Variants in DPYD observed in about 807,000 individuals in gnomAD.
DPYD encodes the protein dihydropyrimidine dehydrogenase, also known as dihydropyrimidine dehydrogenase [NADP(+)].
Under a neutral mutation model 116.2 loss-of-function variants are expected in DPYD, and 109 were observed. The observed-to-expected ratio is 0.94, with a 90% CI of 0.80 to 1.10. The LOEUF is 1.10. Ranked by LOEUF, DPYD falls within the 50% of genes least tolerant of loss-of-function variation. The probability of loss-of-function intolerance (pLI) is 0.00; values close to 1 mark genes in which losing one functional copy is unlikely to be tolerated. For synonymous variants in DPYD, 440 were observed against 432.0 expected (o/e 1.02, Z -0.23); for missense variants, 1,302 against 1,254.5 (o/e 1.04, Z -0.57).
intron 5 of DPYD, among the ~76,000 whole-genome samples, chr1:97,702,736 C>A (rs917925414): frequency 6.6e-6 from 1 of 151,790 alleles, no homozygotes; most frequent in African/African-American, 2.4e-5. Flanking sequence ...CAAATTCTAG[C>A]TAATGGCATG....
At chr1:97,319,000 G>A (rs1668052430) in intron 16 of DPYD, among the ~76,000 whole-genome samples, 1 of 81,794 alleles carries the variant, frequency 1.2e-5, no homozygotes, top group Non-Finnish European at 2.4e-5. Flanking sequence ...ATAACGAAAT[G>A]AAGGCAGAAA....
At chr1:97,854,295 A>G (rs1670711601) in intron 2 of DPYD, among the ~76,000 whole-genome samples, 1 of 152,362 alleles carries the variant, frequency 6.6e-6, no homozygotes, top group Non-Finnish European at 1.5e-5. Context: ...ACAGATGTTG[A>G]GACTTTAATA....
chr1:97,217,826 C>T (rs752655156), intron 19 of DPYD, among the ~76,000 whole-genome samples: 1 of 152,058 alleles, frequency 6.6e-6, no homozygotes, highest in African/African-American at 2.4e-5. Context: ...TAATGAAAAG[C>T]GGGGCAACAC....
At chr1:97,410,214 G>A (rs1673904233) in intron 14 of DPYD, among the ~76,000 whole-genome samples, 1 of 151,884 alleles carries the variant, frequency 6.6e-6, no homozygotes, top group African/African-American at 2.4e-5. Flanking sequence ...TGAAATGTAA[G>A]CTCCAATAAA....
chr1:97,662,154 C>T (rs1197796685), intron 8 of DPYD, among the ~76,000 whole-genome samples: 1 of 151,296 alleles, frequency 6.6e-6, no homozygotes, highest in Non-Finnish European at 1.5e-5. Context: ...GCACCAGCCA[C>T]CACATCCGGC....
At chr1:97,735,714 AT>A (rs1663899932) in intron 4 of DPYD, among the ~76,000 whole-genome samples, 1 of 149,388 alleles carries the variant, frequency 6.7e-6, no homozygotes, top group Non-Finnish European at 1.5e-5. Flanking sequence ...AAATAAATAA[AT>A]AAATAAATAA....
At chr1:97,203,578 T>C (rs1292505550) in intron 19 of DPYD, among the ~76,000 whole-genome samples, 8 of 146,762 alleles carry the variant, frequency 5.5e-5, no homozygotes, top group Admixed American at 4.2e-4. Context: ...TGTATACATA[T>C]GTAACTAACC....
intron 13 of DPYD, among the ~76,000 whole-genome samples, chr1:97,487,658 G>C (rs1272835229): frequency 1.3e-5 from 2 of 152,168 alleles, no homozygotes; most frequent in African/African-American, 2.4e-5. Flanking sequence ...GGGCGACAGA[G>C]CGCGACTCTG....
At chr1:97,645,511 C>T (rs1042233149) in intron 8 of DPYD, among the ~76,000 whole-genome samples, 2 of 151,996 alleles carry the variant, frequency 1.3e-5, no homozygotes, top group African/African-American at 4.8e-5. Flanking sequence ...CTTTTCTACA[C>T]TGATTTCAAA....
At chr1:97,769,350 A>G (rs1666032345) in intron 3 of DPYD, among the ~76,000 whole-genome samples, 1 of 152,138 alleles carries the variant, frequency 6.6e-6, no homozygotes, top group African/African-American at 2.4e-5. Flanking sequence ...TACCTTGAAA[A>G]AACACTATTT....
intron 11 of DPYD, among the ~76,000 whole-genome samples, chr1:97,569,316 A>G (rs1652738813): frequency 6.6e-6 from 1 of 151,720 alleles, no homozygotes; most frequent in Admixed American, 6.6e-5. Context: ...CCAACAAACA[A>G]GAAGAAACAC....
intron 20 of DPYD, among the ~76,000 whole-genome samples, chr1:97,165,467 C>T (rs1656255319): frequency 1.3e-5 from 2 of 151,952 alleles, no homozygotes; most frequent in Non-Finnish European, 2.9e-5. Context: ...TCTATAAAAA[C>T]GCTGGATGAC....
intron 8 of DPYD, among the ~76,000 whole-genome samples, chr1:97,643,734 C>T (rs901637298): frequency 1.3e-4 from 20 of 152,222 alleles, no homozygotes; most frequent in African/African-American, 4.8e-4. Context: ...ACATATACAC[C>T]ATGGAATACT....
chr1:97,768,296 T>C (rs991203871), intron 3 of DPYD, among the ~76,000 whole-genome samples: 1 of 152,122 alleles, frequency 6.6e-6, no homozygotes, highest in Non-Finnish European at 1.5e-5. Flanking sequence ...AATTAAAAAA[T>C]TTCCTTATAA....
At chr1:97,684,174 G>T (rs72977703) in intron 7 of DPYD, among the ~76,000 whole-genome samples, 1 of 152,058 alleles carries the variant, frequency 6.6e-6, no homozygotes, top group Non-Finnish European at 1.5e-5. Context: ...GGCATTTAGC[G>T]CTGTAAATTT....
intron 7 of DPYD, among the ~76,000 whole-genome samples, chr1:97,687,231 A>T (rs1660785810): frequency 1.3e-5 from 2 of 152,174 alleles, no homozygotes; most frequent in Admixed American, 1.3e-4. Flanking sequence ...AGATAGTGCC[A>T]CTGCACTCCA....
chr1:97,417,305 ATC>A (rs1338934023), intron 14 of DPYD, among the ~76,000 whole-genome samples: 1 of 152,128 alleles, frequency 6.6e-6, no homozygotes, highest in East Asian at 1.9e-4. Flanking sequence ...GTCTATTTAT[ATC>A]TCTGTCTCTA....
chr1:97,564,099 A>G (rs1208428229), intron 11 of DPYD, among the ~76,000 whole-genome samples: 2 of 152,218 alleles, frequency 1.3e-5, no homozygotes, highest in Admixed American at 6.5e-5. Context: ...CAAAGAAGGC[A>G]AAAATAGTTC....
At chr1:97,569,556 G>A (rs2102166639) in intron 11 of DPYD, among the ~76,000 whole-genome samples, 1 of 151,694 alleles carries the variant, frequency 6.6e-6, no homozygotes, top group South Asian at 2.1e-4. Flanking sequence ...GTTACAGAAA[G>A]TTTGTGCTTA....
Sources: gnomAD v4.1 joint callset for allele counts (sites outside exome capture counted in the v4.1 genomes callset) on GRCh38, gnomAD v4.1.1 for gene constraint, MANE v1.5 for transcripts, NCBI Gene and HGNC (gene_info 2026-07-23, HGNC 2026-07-21) for gene names.